The following API5 variants were observed in gnomAD, a reference collection of about 807,000 sequenced individuals.
API5 encodes FIF.
API5 carries 6 observed loss-of-function variants against 71.9 expected under a neutral mutation model. The ratio of observed to expected loss-of-function variants is 0.08; its 90% CI spans 0.05 to 0.16. The LOEUF is 0.16. API5 is among the 10% of genes least tolerant of loss of function. API5 has a pLI of 1.00. For missense variants in API5, 332 were observed against 612.8 expected, an observed-to-expected ratio of 0.54 and a Z score of 4.84; for synonymous variants, 189 against 221.3, an observed-to-expected ratio of 0.85 and a Z score of 1.30.
At chr11:43,339,956 A>G in intron 13 of API5, among the ~76,000 whole-genome samples, 1 of 151,632 alleles carries the variant, frequency 6.6e-6, no homozygotes, top group Admixed American at 6.5e-5. Context: ...GGTAGATAAG[A>G]GAAAGAAATA....
chr11:43,315,102 A>G (rs911790765), intron 1 of API5, among the ~76,000 whole-genome samples: 1 of 152,074 alleles, frequency 6.6e-6, no homozygotes, highest in Non-Finnish European at 1.5e-5. Context: ...TTGATTATCA[A>G]CCTTTACCAG....
At chr11:43,339,412 G>A (rs1388381766) in intron 13 of API5, 1 of 152,202 alleles carries the variant, frequency 6.6e-6, no homozygotes, top group Non-Finnish European at 1.5e-5. Context: ...TAATGAGGAA[G>A]TTTAGAAGTT....
At chr11:43,327,406 CTAAG>C (rs1286941571) in intron 7 of API5, among the ~76,000 whole-genome samples, 1 of 152,230 alleles carries the variant, frequency 6.6e-6, no homozygotes, top group Non-Finnish European at 1.5e-5. Context: ...AGAGTTCTTA[CTAAG>C]TGTGTCTTTA....
chr11:43,335,392 A>G (rs371309546), intron 12 of API5, 38 bp downstream of exon 12: 2 of 1,336,686 alleles, frequency 1.5e-6, no homozygotes, highest in Non-Finnish European at 2.1e-6. Context: ...AGTGTTATCA[A>G]AACTTAATAC....
chr11:43,326,641 T>A, intron 7 of API5, 30 bp downstream of exon 7: 1 of 1,192,874 alleles, frequency 8.4e-7, no homozygotes, highest in South Asian at 1.3e-5. Flanking sequence ...TTAGCACTGA[T>A]AAGGCATTCT....
At chr11:43,329,296 A>G (rs1218913933) in intron 9 of API5, 6 of 167,540 alleles carry the variant, frequency 3.6e-5, no homozygotes, top group Non-Finnish European at 5.2e-5. Flanking sequence ...GGTCAGCTGC[A>G]GTCATGCCTC....
chr11:43,343,774 T>C lies in API5; in HGVS notation c.*1264T>C, dbSNP rs1168373397. On this transcript the variant is annotated 3_prime_UTR_variant, in exon 14 of 14. Transcript: ENST00000531273. ...AGACCCTTTGTTCTGCATTTGAATG[T>C]TTCGTATATTTTTGTTTCACAGTTA... 6.6e-6 allele frequency: 1 copy of C among 152,638 alleles called. No homozygotes were observed. Among genetic ancestry groups the C allele is most frequent in the Non-Finnish European group, 1.5e-5 (1 of 68,034 alleles). The allele number at this position is 152,638 out of a possible 1,614,324, so 9.5% of individuals were successfully genotyped here. A position where few individuals can be genotyped will look rare whatever the true frequency, so the allele number is the denominator to read the frequency against.
At chr11:43,337,686 T>C (rs1329845946) in intron 13 of API5, among the ~76,000 whole-genome samples, 1 of 152,248 alleles carries the variant, frequency 6.6e-6, no homozygotes, top group Non-Finnish European at 1.5e-5. Context: ...GAATCACATG[T>C]TGTTCTCTGT....
intron 11 of API5, among the ~76,000 whole-genome samples, chr11:43,331,647 G>A (rs930261868): frequency 1.3e-5 from 2 of 152,086 alleles, no homozygotes; most frequent in African/African-American, 4.8e-5. Context: ...GGCACACTAG[G>A]TGTAACTTTT....
chr11:43,330,631 G>C (rs1855219885), intron 11 of API5, 67 bp downstream of exon 11: 1 of 1,299,034 alleles, frequency 7.7e-7, no homozygotes, highest in Non-Finnish European at 1.1e-6. Flanking sequence ...TTATTTAAAA[G>C]TTTTGCATAA....
chr11:43,326,154 A>G (rs139189956), intron 6 of API5, among the ~76,000 whole-genome samples: 163 of 152,360 alleles, frequency 1.1e-3, no homozygotes, highest in African/African-American at 3.6e-3. Flanking sequence ...GGTTAATAGT[A>G]TAAAAAAGAC....
At chr11:43,313,281 G>GAATT (rs1854553130) in intron 1 of API5, among the ~76,000 whole-genome samples, 1 of 152,090 alleles carries the variant, frequency 6.6e-6, no homozygotes, top group South Asian at 2.1e-4. Context: ...CAGCAGTGTT[G>GAATT]AATTATCCAT....
chr11:43,313,548 TTAACA>T (rs1468469161), intron 1 of API5, among the ~76,000 whole-genome samples: 6 of 152,080 alleles, frequency 3.9e-5, no homozygotes, highest in Non-Finnish European at 7.4e-5. Context: ...TCCCCTTTTC[TTAACA>T]TAATTCAAAT....
chr11:43,342,358 A>T, intron 13 of API5, 70 bp from the exon 14 acceptor site: 1 of 1,304,316 alleles, frequency 7.7e-7, no homozygotes, highest in Non-Finnish European at 1.1e-6. Flanking sequence ...GTTATGAGCT[A>T]CGTTTCTTCT....
intron 1 of API5, among the ~76,000 whole-genome samples, chr11:43,316,625 A>G (rs918873480): frequency 1.3e-5 from 2 of 152,088 alleles, no homozygotes; most frequent in African/African-American, 2.4e-5. Flanking sequence ...AGTATGTCAT[A>G]TACCTTTCTT....
chr11:43,340,621 A>G lies in API5; in HGVS notation c.1493-1807A>G, dbSNP rs150667671. 1.8e-4 allele frequency among the ~76,000 whole-genome samples: 28 copies of G among 152,296 alleles called. No individual in the cohort carries two copies. The East Asian group carries it at 5.2e-3, about 28-fold the overall frequency. On this transcript the variant is annotated intron_variant, in intron 13 of 13. Coordinates refer to ENST00000531273, the MANE Select transcript of API5 (RefSeq NM_001142930.2). ...GAACAGAACAGAGAACCAGAAATTAATCCACGTATCTACAGCCAACTGATT... is the reference window on the plus strand; with the variant it reads ...GAACAGAACAGAGAACCAGAAATTAGTCCACGTATCTACAGCCAACTGATT...
Position 43,342,573 on chromosome 11 carries a change from T to C in API5, c.*63T>C. 7 of 1,541,080 alleles carry C rather than the reference T, an allele frequency of 4.5e-6. No homozygotes were observed. The highest frequency in any genetic ancestry group is 6.3e-6 in the Non-Finnish European group (7 of 1,117,858). Reference sequence around the variant, plus strand: ...AATATACTTAAATTCTACTACTCATTGGATTGCCGGGGATGTCCCTTTAAA... The same window carrying C: ...AATATACTTAAATTCTACTACTCATCGGATTGCCGGGGATGTCCCTTTAAA... On this transcript the variant is annotated 3_prime_UTR_variant, in exon 14 of 14. Coordinates refer to ENST00000531273, the MANE Select transcript of API5 (RefSeq NM_001142930.2).
chr11:43,328,643 C>T lies in API5; in HGVS notation c.946-69C>T. The T allele has an allele frequency of 2.9e-6, 4 of 1,387,082 alleles. No individual in the cohort carries two copies. In the Admixed American group the frequency reaches 5.9e-5, roughly 21 times the overall value. 85.9% of individuals were successfully genotyped at this position (1,387,082 alleles called of 1,614,324 possible). A position where few individuals can be genotyped will look rare whatever the true frequency, so the allele number is the denominator to read the frequency against. ...TGCCTTAAAAACATGCACTGTAATT[C>T]CCTGAATATCTGTTTATAATTTGAA... On this transcript the variant is annotated intron_variant, in intron 8 of 13. Coordinates refer to ENST00000531273, the MANE Select transcript of API5 (RefSeq NM_001142930.2).
chr11:43,323,076 C>T (rs1854948371), intron 5 of API5, among the ~76,000 whole-genome samples: 1 of 151,886 alleles, frequency 6.6e-6, no homozygotes, highest in Non-Finnish European at 1.5e-5. Context: ...TTTTTAAAGT[C>T]ACTCCCCTAA....
Sources: gnomAD v4.1 joint callset for allele counts (sites outside exome capture counted in the v4.1 genomes callset) on GRCh38, gnomAD v4.1.1 for gene constraint, MANE v1.5 for transcripts, NCBI Gene and HGNC (gene_info 2026-07-23, HGNC 2026-07-21) for gene names.